Variants in LINGO1 observed in about 807,000 individuals in gnomAD.
LINGO1 encodes the protein leucine-rich repeat and immunoglobulin-like domain-containing nogo receptor-interacting protein 1.
Under a neutral mutation model 37.3 loss-of-function variants are expected in LINGO1, and 11 were observed. The observed-to-expected ratio is 0.29, with a 90% CI of 0.19 to 0.49. The LOEUF (loss-of-function observed/expected upper bound fraction) is 0.49. LINGO1 is among the 20% of genes least tolerant of loss of function. The pLI, the probability that LINGO1 is intolerant of heterozygous loss-of-function variation, is 0.99. For missense variants in LINGO1, 585 were observed against 878.2 expected (o/e 0.67, Z 4.22); for synonymous variants, 387 against 403.0 (o/e 0.96, Z 0.48).
intron 1 of LINGO1, among the ~76,000 whole-genome samples, chr15:77,623,401 C>G (rs1282540739): frequency 6.6e-6 from 1 of 152,240 alleles, no homozygotes; most frequent in Non-Finnish European, 1.5e-5. Flanking sequence ...TAAAGATGCT[C>G]CATTCTGGCT....
intron 1 of LINGO1, among the ~76,000 whole-genome samples, chr15:77,623,722 G>A (rs566344102): frequency 6.7e-6 from 1 of 148,838 alleles, no homozygotes; most frequent in East Asian, 2.0e-4. Context: ...CATGGGGACA[G>A]AAAAACCAAC....
intron 1 of LINGO1, among the ~76,000 whole-genome samples, chr15:77,759,773 G>C (rs527612592): frequency 2.0e-5 from 3 of 152,240 alleles, no homozygotes; most frequent in Non-Finnish European, 4.4e-5. Context: ...TGCTCTAATT[G>C]AGTGTCCTAT....
At chr15:77,776,518 A>AGGGAGGGAGGGAGGG (rs2076650217) in intron 1 of LINGO1, among the ~76,000 whole-genome samples, 1 of 49,578 alleles carries the variant, frequency 2.0e-5, no homozygotes, top group African/African-American at 7.8e-5. Flanking sequence ...GGAAGGCAGG[A>AGGGAGGGAGGGAGGG]AGGGAGGAAG....
At chr15:77,646,284 G>A (rs1596041077) in intron 3 of LINGO1, 1 of 334,970 alleles carries the variant, frequency 3.0e-6, no homozygotes, top group Admixed American at 3.9e-5. Context: ...ACTCCACCCC[G>A]CCCTGCCACA....
chr15:77,801,592 G>GTT (rs2076919108), intron 1 of LINGO1, among the ~76,000 whole-genome samples: 2 of 142,466 alleles, frequency 1.4e-5, no homozygotes, highest in Non-Finnish European at 1.6e-5. Flanking sequence ...AGAGTTAATG[G>GTT]GTTTTTTTTT....
At chr15:77,656,999 C>T (rs1052065563) in intron 3 of LINGO1, among the ~76,000 whole-genome samples, 2 of 152,196 alleles carry the variant, frequency 1.3e-5, no homozygotes, top group African/African-American at 2.4e-5. Context: ...GACACTGCCC[C>T]TTCATGCCCC....
At chr15:77,819,867 G>C (rs1407243994) in intron 1 of LINGO1, among the ~76,000 whole-genome samples, 1 of 151,106 alleles carries the variant, frequency 6.6e-6, no homozygotes, top group African/African-American at 2.4e-5. Flanking sequence ...GGCCCCCTCC[G>C]CGGCGCCGCC....
Position 77,683,386 on chromosome 15 carries a change from C to T in LINGO1, c.-98-6212G>A, listed in dbSNP as rs115832834. On this transcript the variant is annotated intron_variant, in intron 2 of 3. Transcript: ENST00000559893. ...GAAATCTATCCTGCAGAAAGGCTTA[C>T]GGGTGTCAGCAAGATATATATAAGG... 5.1e-3 allele frequency among the ~76,000 whole-genome samples: 779 copies of T among 152,232 alleles called. 6 individuals carry two copies. Among genetic ancestry groups the T allele is most frequent in the African/African-American group, 0.018 (747 of 41,530 alleles).
chr15:77,716,528 C>T (rs1353805042), intron 2 of LINGO1, among the ~76,000 whole-genome samples: 1 of 149,762 alleles, frequency 6.7e-6, no homozygotes, highest in African/African-American at 2.4e-5. Context: ...GTCCAAGACA[C>T]GTGCAGGAAT....
At chr15:77,750,122 GC>G (rs1447867421) in intron 1 of LINGO1, among the ~76,000 whole-genome samples, 7 of 151,990 alleles carry the variant, frequency 4.6e-5, no homozygotes, top group Admixed American at 1.3e-4. Context: ...CAGAGCAGGG[GC>G]CACGTCCCCG....
At chr15:77,746,207 CAA>C (rs34220013) in intron 1 of LINGO1, among the ~76,000 whole-genome samples, 1,935 of 75,526 alleles carry the variant, frequency 0.026, 31 homozygotes, top group African/African-American at 0.056. Context: ...GACCCTGTCT[CAA>C]AAAAAAAAAA....
chr15:77,798,410 TC>T (rs1006394097), intron 1 of LINGO1, among the ~76,000 whole-genome samples: 71 of 152,280 alleles, frequency 4.7e-4, no homozygotes, highest in African/African-American at 1.7e-3. Context: ...GGGTAAGCCA[TC>T]CCCACAGTGC....
chr15:77,648,106 C>T (rs1484951916), intron 3 of LINGO1: 2 of 354,328 alleles, frequency 5.6e-6, no homozygotes, highest in Non-Finnish European at 1.1e-5. Context: ...GTGTGGATAG[C>T]TGGGGCCCTC....
chr15:77,713,567 C>T (rs566639313), intron 2 of LINGO1, among the ~76,000 whole-genome samples: 1 of 151,900 alleles, frequency 6.6e-6, no homozygotes, highest in East Asian at 1.9e-4. Flanking sequence ...TGCAGATCTA[C>T]GTCTCCATTG....
chr15:77,809,432 C>T (rs534330808), intron 1 of LINGO1, among the ~76,000 whole-genome samples: 1 of 152,306 alleles, frequency 6.6e-6, no homozygotes, highest in South Asian at 2.1e-4. Context: ...AAAATGGAGT[C>T]GATAATGCCC....
intron 1 of LINGO1, among the ~76,000 whole-genome samples, chr15:77,817,075 G>A (rs1438266559): frequency 6.6e-6 from 1 of 152,208 alleles, no homozygotes; most frequent in Non-Finnish European, 1.5e-5. Context: ...GGCCGCCCGG[G>A]ACGGGGAAGC....
intron 3 of LINGO1, among the ~76,000 whole-genome samples, chr15:77,644,689 A>G (rs1403173311): frequency 2.0e-5 from 3 of 152,210 alleles, no homozygotes; most frequent in African/African-American, 7.2e-5. Context: ...TGAGGGACAC[A>G]GCACTGGCTG....
chr15:77,816,452 C>T (rs979852655), intron 1 of LINGO1, among the ~76,000 whole-genome samples: 17 of 152,358 alleles, frequency 1.1e-4, no homozygotes, highest in African/African-American at 4.1e-4. Context: ...GGCAGCTTTT[C>T]CACCTTGAGC....
intron 3 of LINGO1, among the ~76,000 whole-genome samples, chr15:77,668,718 C>T (rs1314083024): frequency 6.6e-6 from 1 of 151,786 alleles, no homozygotes; most frequent in Non-Finnish European, 1.5e-5. Flanking sequence ...CACGTGGAAA[C>T]ACATACATTG....
Sources: gnomAD v4.1 joint callset for allele counts (sites outside exome capture counted in the v4.1 genomes callset) on GRCh38, gnomAD v4.1.1 for gene constraint, MANE v1.5 for transcripts, NCBI Gene and HGNC (gene_info 2026-07-23, HGNC 2026-07-21) for gene names.